The following PRPF8 variants were observed in gnomAD, a reference collection of about 807,000 sequenced individuals.
The protein encoded by PRPF8 is pre-mRNA processing factor 8, also known as pre-mRNA-processing-splicing factor 8.
Under a neutral mutation model 285.9 loss-of-function variants are expected in PRPF8, and 64 were observed. The ratio of observed to expected loss-of-function variants is 0.22; its 90% confidence interval spans 0.18 to 0.28. The LOEUF (loss-of-function observed/expected upper bound fraction) is 0.28. Ranked by LOEUF, PRPF8 falls within the 10% of genes least tolerant of loss-of-function variation. The pLI is 1.00. For missense variants in PRPF8, 1,426 were observed against 3,026.7 expected (o/e 0.47, Z 12.41); for synonymous variants, 1,325 against 1,118.2 (o/e 1.18, Z -3.69).
chr17:1,674,775 T>G, intron 20 of PRPF8, 95 bp from the exon 21 acceptor site: 3 of 1,314,826 alleles, frequency 2.3e-6, no homozygotes, highest in Non-Finnish European at 3.3e-6. Context: ...CAAATTCTAC[T>G]TTTTTCCACT....
chr17:1,676,522 G>A lies in PRPF8; in HGVS notation c.2371C>T (p.Gln791Ter). Residue 791 changes from glutamine (Q) to a stop codon, truncating the protein, a stop_gained, in exon 16 of 43, where the codon CAG (glutamine) becomes TAG (stop). Coordinates refer to ENST00000304992, the MANE Select transcript of PRPF8 (RefSeq NM_006445.4). LOFTEE classifies it high-confidence loss of function. This position sits in a 1 kb window ranked among gnomAD's most constrained non-coding sequence, Gnocchi z 6.3. ...RLYLKAEQER[Q>*]HNYLKDGPYI... ...TGCCCAACCTTCAGGTAGTTGTGCTGCCGCTCCTGTTCTGCCTTCAGATAG... is the reference window on the plus strand; with the variant it reads ...TGCCCAACCTTCAGGTAGTTGTGCTACCGCTCCTGTTCTGCCTTCAGATAG... 6.2e-7 allele frequency: 1 copy of A among 1,614,110 alleles called. No individual in the cohort carries two copies. Among genetic ancestry groups the A allele is most frequent in the Non-Finnish European group, 8.5e-7 (1 of 1,180,026 alleles).
At position 1,679,760 on chromosome 17, in the gene PRPF8, G is replaced by C; in HGVS notation, c.1138C>G (p.Leu380Val). The C allele has an allele frequency of 6.2e-7, 1 of 1,614,190 alleles. No individual in the cohort carries two copies. The highest frequency in any genetic ancestry group is 8.5e-7 in the Non-Finnish European group (1 of 1,180,040). The change falls in exon 9 of 43, where the codon CTC (leucine) becomes GTC (valine). Residue 380 changes from leucine (L) to valine (V), a missense_variant. This residue lies in a region of PRPF8 where 137 missense variants were observed against 161.2 expected (regional missense o/e 0.85). Coordinates refer to ENST00000304992, the MANE Select transcript of PRPF8 (RefSeq NM_006445.4). The surrounding 1 kb of genome is among the most constrained non-coding windows in gnomAD (Gnocchi z 4.7). The part of the protein sequence containing the change: ...PLPDDDEEFE[L>V]PEFVEPFLKD... ...AGGAAGGGCTCCACAAACTCCGGGAGCTCAAATTCCTCATCATCATCCGGC... is the reference window on the plus strand; with the variant it reads ...AGGAAGGGCTCCACAAACTCCGGGACCTCAAATTCCTCATCATCATCCGGC...
intron 24 of PRPF8, among the ~76,000 whole-genome samples, chr17:1,669,826 T>C (rs1321048104): frequency 1.3e-5 from 2 of 152,178 alleles, no homozygotes; most frequent in African/African-American, 4.8e-5. Flanking sequence ...CCACACTTCA[T>C]CTTAGTATTC....
At chr17:1,674,963 C>T (rs1202127747) in intron 20 of PRPF8, among the ~76,000 whole-genome samples, 189 bp downstream of exon 20, 3 of 151,886 alleles carry the variant, frequency 2.0e-5, no homozygotes, top group Non-Finnish European at 2.9e-5. Flanking sequence ...TAAGTAGAGA[C>T]GGGGTTTCAC....
intron 39 of PRPF8, chr17:1,652,131 G>C: frequency 2.4e-6 from 1 of 424,722 alleles, no homozygotes; most frequent in South Asian, 2.3e-5. Flanking sequence ...CCAGCACTTG[G>C]TGCTATTTTA....
chr17:1,670,554 T>C (rs997755466), intron 24 of PRPF8, among the ~76,000 whole-genome samples: 2 of 152,014 alleles, frequency 1.3e-5, no homozygotes, highest in African/African-American at 4.8e-5. Context: ...TGGTGGGATC[T>C]CGGCTCACTG....
Position 1,681,685 on chromosome 17 carries a change from A to G in PRPF8, c.659T>C (p.Val220Ala), listed in dbSNP as rs1912934876. 2 of 1,614,040 alleles carry G rather than the reference A, an allele frequency of 1.2e-6. No individual in the cohort carries two copies. The highest frequency in any genetic ancestry group is 1.7e-5 in the Admixed American group (1 of 59,996). ...CCAGCGCTGGTAAGTGGAGCCATTT[A>G]CATACCTAGGTAAAAAATGAAAGGC... Reference protein sequence around the residue: ...HQPLRDSRKYVNGSTYQRWQF... With the variant: ...HQPLRDSRKYANGSTYQRWQF... The change falls in exon 6 of 43, where the codon GTA becomes GCA. Residue 220 changes from valine (V) to alanine (A), a missense_variant. Coordinates refer to ENST00000304992, the MANE Select transcript of PRPF8 (RefSeq NM_006445.4).
rs367750949 is a variant in PRPF8 at position 1,677,233 on chromosome 17, C to G, written c.1985-61G>C. ...GATTCCTTGCTTTCAATAAGGGTCTCTACCTTCATGCTCCTCACTCATTAT... is the reference window on the plus strand; with the variant it reads ...GATTCCTTGCTTTCAATAAGGGTCTGTACCTTCATGCTCCTCACTCATTAT... On this transcript the variant is annotated intron_variant, in intron 14 of 42. Coordinates refer to ENST00000304992, the MANE Select transcript of PRPF8 (RefSeq NM_006445.4). 2.0e-6 allele frequency: 3 copies of G among 1,473,824 alleles called. No homozygotes were observed. In the African/African-American group the frequency reaches 4.2e-5, roughly 20 times the overall value. 91.3% of individuals were successfully genotyped at this position (1,473,824 alleles called of 1,614,324 possible).
Position 1,659,991 on chromosome 17 carries a change from T to C in PRPF8, c.4796A>G (p.Gln1599Arg), listed in dbSNP as rs1410424799. 6.2e-7 allele frequency: 1 copy of C among 1,614,184 alleles called. No homozygotes were observed. The highest frequency in any genetic ancestry group is 1.7e-5 in the Admixed American group (1 of 60,024). Residue 1599 changes from glutamine to arginine, a missense_variant, in exon 31 of 43, where the codon CAG becomes CGG. Gln to Arg is a conservative substitution (Grantham distance 43, BLOSUM62 1). This residue lies in a region of PRPF8 where 21 missense variants were observed against 16.5 expected (regional missense o/e 1.27). Coordinates refer to ENST00000304992, the MANE Select transcript of PRPF8 (RefSeq NM_006445.4). This position sits in a 1 kb window ranked among gnomAD's most constrained non-coding sequence, Gnocchi z 5.1. ...IVMDLCQVFD[Q>R]ELDALEIETV... ...CTCAATTTCCAGTGCATCAAGTTCCTGGTCAAACACCTGAAGGAAAACATG... is the reference window on the plus strand; with the variant it reads ...CTCAATTTCCAGTGCATCAAGTTCCCGGTCAAACACCTGAAGGAAAACATG...
At chr17:1,665,987 C>G (rs982550880) in intron 24 of PRPF8, among the ~76,000 whole-genome samples, 13 of 35,140 alleles carry the variant, frequency 3.7e-4, no homozygotes, top group African/African-American at 6.7e-4. Context: ...CACGGTGAAA[C>G]CGCGTCGTAG....
chr17:1,670,945 A>AAG (rs1555552654), intron 24 of PRPF8, among the ~76,000 whole-genome samples: 42 of 151,124 alleles, frequency 2.8e-4, no homozygotes, highest in African/African-American at 6.1e-4. Flanking sequence ...CAAAAAAAAA[A>AAG]AAGAAGAAAA....
chr17:1,672,567 G>A (rs927959574), intron 24 of PRPF8, among the ~76,000 whole-genome samples: 4 of 152,210 alleles, frequency 2.6e-5, no homozygotes, highest in African/African-American at 2.4e-5. Flanking sequence ...ACAGGCGTGA[G>A]CCACCGTGCC....
intron 34 of PRPF8, among the ~76,000 whole-genome samples, chr17:1,657,430 G>C (rs1911445914): frequency 6.6e-6 from 1 of 151,982 alleles, no homozygotes; most frequent in South Asian, 2.1e-4. Context: ...CGGATCACGA[G>C]GTCAGGAGAT....
At chr17:1,667,469 G>A (rs531074151) in intron 24 of PRPF8, among the ~76,000 whole-genome samples, 1 of 149,132 alleles carries the variant, frequency 6.7e-6, no homozygotes, top group South Asian at 2.1e-4. Context: ...ACCATGGTAA[G>A]AAATTTATAT....
chr17:1,677,911 G>GC (rs1367891785), intron 13 of PRPF8, among the ~76,000 whole-genome samples: 4 of 152,022 alleles, frequency 2.6e-5, no homozygotes, highest in Admixed American at 2.6e-4. Context: ...AACTAAGATC[G>GC]CCCATGTGAA....
chr17:1,679,386 C>T lies in PRPF8; in HGVS notation c.1314G>A (p.Gly438=), dbSNP rs1226750900. The change falls in exon 10 of 43, where the codon GGG becomes GGA. Residue 438 remains glycine, a synonymous_variant. Transcript: ENST00000304992. The surrounding 1 kb of genome is among the most constrained non-coding windows in gnomAD (Gnocchi z 4.7). ...KNWYREHCPA[G]QPVKVRVSYQ... ...AGGAGACCCTCACTTTCACAGGCTG[C>T]CCGGCAGGACAATGCTCCCGATACC... 11 of 1,613,210 alleles carry T rather than the reference C, an allele frequency of 6.8e-6. No homozygotes were observed. Among genetic ancestry groups the T allele is most frequent in the African/African-American group, 1.3e-5 (1 of 74,862 alleles).
chr17:1,674,490 G>A lies in PRPF8; in HGVS notation c.3251C>T (p.Pro1084Leu). Residue 1084 changes from proline to leucine, a missense_variant, in exon 21 of 43, where the codon CCC becomes CTC. This residue lies in a region of PRPF8 where 148 missense variants were observed against 196.2 expected (regional missense o/e 0.75). Coordinates refer to ENST00000304992, the MANE Select transcript of PRPF8 (RefSeq NM_006445.4). ...FQDIATEAAH[P>L]IRLFCRYIDR... ...AATGTATCTGCAGAAGAGACGGATG[G>A]GGTGGGCAGCCTCAGTGGCTATGTC... The A allele has an allele frequency of 6.2e-7, 1 of 1,614,176 alleles. No individual in the cohort carries two copies. Among genetic ancestry groups the A allele is most frequent in the Non-Finnish European group, 8.5e-7 (1 of 1,180,034 alleles).
intron 13 of PRPF8, among the ~76,000 whole-genome samples, chr17:1,678,115 G>C (rs1328698704): frequency 2.6e-5 from 4 of 152,102 alleles, no homozygotes; most frequent in African/African-American, 9.7e-5. Flanking sequence ...AGGAGTTCAA[G>C]ACCAGCCTGG....
Position 1,650,821 on chromosome 17 carries a change from C to T in PRPF8, c.6989G>A (p.Arg2330Gln), listed in dbSNP as rs1192693354. ...LQEGEVYSAD[R>Q]EDLYA is the part of the protein sequence containing the mutation. ...AAACGGTCAGGCATACAGGTCCTCCCGATCCGCAGAGTAAACCTCCCCCTC... is the reference window on the plus strand; with the variant it reads ...AAACGGTCAGGCATACAGGTCCTCCTGATCCGCAGAGTAAACCTCCCCCTC... The change falls in exon 43 of 43, where the codon CGG becomes CAG. Residue 2330 changes from arginine to glutamine, a missense_variant. Arg to Gln is a conservative substitution (Grantham distance 43). This residue lies in a region of PRPF8 where 59 missense variants were observed against 58.6 expected (regional missense o/e 1.01). Transcript: ENST00000304992. 2.5e-6 allele frequency: 4 copies of T among 1,614,072 alleles called. No homozygotes were observed. The highest frequency in any genetic ancestry group is 2.2e-5 in the East Asian group (1 of 44,878).
Sources: allele counts gnomAD v4.1 joint callset (sites outside exome capture counted in the v4.1 genomes callset), GRCh38; gene constraint gnomAD v4.1.1; regional missense constraint gnomAD v4.1.1; non-coding constraint Gnocchi (gnomAD v3.1); transcripts MANE v1.5; gene names NCBI Gene and HGNC (gene_info 2026-07-23, HGNC 2026-07-21).